Variants in CSNK1D observed in about 807,000 individuals in gnomAD.
CSNK1D encodes the protein casein kinase 1 delta, also known as casein kinase I isoform delta.
CSNK1D carries 16 observed loss-of-function variants against 46.6 expected under a neutral mutation model. The ratio of observed to expected loss-of-function variants is 0.34; its 90% CI spans 0.23 to 0.52. CSNK1D has a LOEUF of 0.52. Among genes scored for constraint, CSNK1D ranks in the 20% least tolerant of loss-of-function variants. CSNK1D has a pLI of 0.95. For synonymous variants in CSNK1D, 276 were observed against 228.2 expected, an observed-to-expected ratio of 1.21 and a Z score of -1.89; for missense variants, 398 against 578.4, an observed-to-expected ratio of 0.69 and a Z score of 3.20.
chr17:82,257,006 C>A (rs1474679753), intron 2 of CSNK1D, among the ~76,000 whole-genome samples: 3 of 152,174 alleles, frequency 2.0e-5, no homozygotes, highest in Non-Finnish European at 4.4e-5. Flanking sequence ...GTCACCCAGG[C>A]TGGAGTGCAG....
downstream of CSNK1D, among the ~76,000 whole-genome samples, chr17:82,241,257 G>T (rs997336837): frequency 2.6e-5 from 4 of 151,968 alleles, no homozygotes; most frequent in Non-Finnish European, 5.9e-5. Flanking sequence ...TGTGCCGGGG[G>T]AGGTGGCGGG....
At chr17:82,261,211 G>C (rs922587157) in intron 2 of CSNK1D, 2 of 154,730 alleles carry the variant, frequency 1.3e-5, no homozygotes, top group African/African-American at 2.4e-5. Context: ...ACTGCTACTG[G>C]TGATTTTGCA....
At position 82,242,673 on chromosome 17, in the gene CSNK1D, A is replaced by C; in HGVS notation, c.*2108T>G. 1 of 985,424 alleles carries C rather than the reference A, an allele frequency of 1.0e-6. No homozygotes were observed. The highest frequency in any genetic ancestry group is 1.2e-6 in the Non-Finnish European group (1 of 829,846). 61.0% of individuals were successfully genotyped at this position (985,424 alleles called of 1,614,324 possible). ...CATGGAAAGGGGAGGGAAGAAAGGTAGAAGTCATTATGAATTTATTATTTA... is the reference window on the plus strand; with the variant it reads ...CATGGAAAGGGGAGGGAAGAAAGGTCGAAGTCATTATGAATTTATTATTTA... On this transcript the variant is annotated 3_prime_UTR_variant, in exon 9 of 9. Transcript: ENST00000314028.
At chr17:82,247,471 C>T (rs2050879884) in intron 8 of CSNK1D, 1 of 985,534 alleles carries the variant, frequency 1.0e-6, no homozygotes, top group Non-Finnish European at 1.2e-6. Context: ...CAGGCCCCTT[C>T]CCTAGTCTTT....
chr17:82,272,882 C>G (rs113492780), intron 1 of CSNK1D, among the ~76,000 whole-genome samples: 1 of 150,448 alleles, frequency 6.6e-6, no homozygotes, highest in African/African-American at 2.4e-5. Context: ...AGCCCTACCC[C>G]CTCCCCTCCC....
intron 1 of CSNK1D, among the ~76,000 whole-genome samples, chr17:82,269,530 A>T (rs1005201823): frequency 1.2e-4 from 19 of 152,324 alleles, no homozygotes; most frequent in Middle Eastern, 3.4e-3. Context: ...TCAGAGATGA[A>T]GCAGTTAGCT....
intron 8 of CSNK1D, chr17:82,245,718 C>T (rs945603672): frequency 5.9e-6 from 3 of 509,216 alleles, no homozygotes; most frequent in Admixed American, 3.2e-5. Context: ...AACGCAGTCA[C>T]GGGGAGGCCA....
At position 82,251,690 on chromosome 17, in the gene CSNK1D, C is replaced by G. The variant is rs1008388230; in HGVS notation, c.737-163G>C. 3.7e-6 allele frequency: 3 copies of G among 805,074 alleles called. No homozygotes were observed. The African/African-American group carries it at 5.1e-5, about 14-fold the overall frequency. The allele number at this position is 805,074 out of a possible 1,614,324, so 49.9% of individuals were successfully genotyped here. On this transcript the variant is annotated intron_variant, in intron 5 of 8. Transcript: ENST00000314028. This position sits in a 1 kb window ranked among gnomAD's most constrained non-coding sequence, Gnocchi z 4.5. Reference sequence around the variant, plus strand: ...AAGACCTGAAGCCTTGAGAAAGCATCGAAAAGTATTCAAGTCACGGCCGGG... The same window carrying G: ...AAGACCTGAAGCCTTGAGAAAGCATGGAAAAGTATTCAAGTCACGGCCGGG...
At chr17:82,263,097 C>G (rs996310458) in intron 2 of CSNK1D, among the ~76,000 whole-genome samples, 2 of 152,114 alleles carry the variant, frequency 1.3e-5, no homozygotes, top group Non-Finnish European at 2.9e-5. Context: ...GGAGAATGGC[C>G]TGAACCCAGG....
intron 8 of CSNK1D, chr17:82,246,540 G>A (rs780527256): frequency 1.3e-4 from 135 of 1,059,636 alleles, no homozygotes; most frequent in Non-Finnish European, 1.4e-4. Context: ...GGCCTTTAGG[G>A]CCCAGGCTAC....
At chr17:82,263,598 T>C (rs2051394414) in intron 2 of CSNK1D, among the ~76,000 whole-genome samples, 1 of 152,244 alleles carries the variant, frequency 6.6e-6, no homozygotes, top group African/African-American at 2.4e-5. Context: ...CACGTAGCAC[T>C]TTTTGGTTCA....
chr17:82,270,581 G>A (rs1050808853), intron 1 of CSNK1D, among the ~76,000 whole-genome samples: 2 of 152,154 alleles, frequency 1.3e-5, no homozygotes, highest in Non-Finnish European at 2.9e-5. Context: ...GGGGATGACC[G>A]ATCCATCTCA....
In CSNK1D at chr17:82,248,022, C is replaced by A. The variant is rs1027316578; in HGVS notation, c.1197+853G>T. The A allele has an allele frequency of 2.5e-5, 25 of 985,354 alleles. No homozygotes were observed. Among genetic ancestry groups the A allele is most frequent in the Non-Finnish European group, 3.0e-5 (25 of 829,994 alleles). 61.0% of individuals were successfully genotyped at this position (985,354 alleles called of 1,614,324 possible). The stretch of plus-strand genomic sequence containing the variant: ...GCCTGGCTCCATCCTGTGATCCCAA[C>A]AAACACCTCCCCACAAGCCCAGAGC... On this transcript the variant is annotated intron_variant, in intron 8 of 8. Transcript: ENST00000314028. The surrounding 1 kb of genome is among the most constrained non-coding windows in gnomAD (Gnocchi z 4.1).
chr17:82,251,456 G>A lies in CSNK1D; in HGVS notation c.808C>T (p.Arg270Trp). The part of the protein sequence containing the change: ...FDDKPDYSYL[R>W]QLFRNLFHRQ... ...TGGAACAGATTCCGGAAAAGCTGCC[G>A]CAGGTACGAGTAGTCAGGCTTGTCG... is the stretch of plus-strand genomic sequence containing the variant. The change falls in exon 6 of 9, where the codon CGG (arginine) becomes TGG (tryptophan). Residue 270 changes from arginine to tryptophan, a missense_variant. By Grantham distance (101) the Arg-to-Trp change is moderately radical. Transcript: ENST00000314028. This position sits in a 1 kb window ranked among gnomAD's most constrained non-coding sequence, Gnocchi z 4.5. The A allele has an allele frequency of 6.2e-7, 1 of 1,614,102 alleles. No individual in the cohort carries two copies. Among genetic ancestry groups the A allele is most frequent in the Non-Finnish European group, 8.5e-7 (1 of 1,179,992 alleles).
rs1242816490 is a variant in CSNK1D at position 82,252,391 on chromosome 17, C to G, written c.736+43G>C. On this transcript the variant is annotated intron_variant, in intron 5 of 8. Transcript: ENST00000314028. This position sits in a 1 kb window ranked among gnomAD's most constrained non-coding sequence, Gnocchi z 4.6. ...TCGGCACACCCGACACATATGCAACCCCTGTGAGCAGCTCCGCTGAGAAGA... is the reference window on the plus strand; with the variant it reads ...TCGGCACACCCGACACATATGCAACGCCTGTGAGCAGCTCCGCTGAGAAGA... The G allele has an allele frequency of 3.7e-6, 6 of 1,610,794 alleles. No homozygotes were observed. Among genetic ancestry groups the G allele is most frequent in the Non-Finnish European group, 3.4e-6 (4 of 1,177,236 alleles).
rs2050906933 is a variant in CSNK1D at position 82,248,466 on chromosome 17, T to C, written c.1197+409A>G. On this transcript the variant is annotated intron_variant, in intron 8 of 8. Coordinates refer to ENST00000314028, the MANE Select transcript of CSNK1D (RefSeq NM_001893.6). This position sits in a 1 kb window ranked among gnomAD's most constrained non-coding sequence, Gnocchi z 4.1. ...CCGTGGAGGTCCCTACGGGCCTCCA[T>C]CCCTGGCCAGTGGCAAGAATGAGGA... 1 of 1,080,876 alleles carries C rather than the reference T, an allele frequency of 9.3e-7. No homozygotes were observed. The highest frequency in any genetic ancestry group is 1.7e-5 in the African/African-American group (1 of 59,816). 67.0% of individuals were successfully genotyped at this position (1,080,876 alleles called of 1,614,324 possible).
intron 3 of CSNK1D, chr17:82,253,935 G>A (rs1291722392): frequency 2.4e-4 from 56 of 234,334 alleles, no homozygotes; most frequent in Middle Eastern, 1.7e-3. Context: ...CTGAGCCGCC[G>A]GAGCCTCGAG....
chr17:82,261,313 C>T (rs2051333782), intron 2 of CSNK1D, among the ~76,000 whole-genome samples: 1 of 152,074 alleles, frequency 6.6e-6, no homozygotes, highest in Non-Finnish European at 1.5e-5. Context: ...CTGCCCTGCC[C>T]AGGTGCTGTC....
chr17:82,260,239 G>A (rs2051294645), intron 2 of CSNK1D, among the ~76,000 whole-genome samples: 3 of 150,722 alleles, frequency 2.0e-5, no homozygotes, highest in Admixed American at 2.0e-4. Context: ...ACTGAGTGAT[G>A]TGACTGATGG....
Sources: allele counts gnomAD v4.1 joint callset (sites outside exome capture counted in the v4.1 genomes callset), GRCh38; gene constraint gnomAD v4.1.1; non-coding constraint Gnocchi (gnomAD v3.1); transcripts MANE v1.5; gene names NCBI Gene and HGNC (gene_info 2026-07-23, HGNC 2026-07-21).